The following PCDHGA3 variants were observed in gnomAD, a reference collection of about 807,000 sequenced individuals.
PCDHGA3 encodes protocadherin gamma-A3.
Under a neutral mutation model 58.5 loss-of-function variants are expected in PCDHGA3, and 40 were observed. The ratio of observed to expected loss-of-function variants is 0.68; its 90% CI spans 0.53 to 0.89. The LOEUF is 0.89. Ranked by LOEUF, PCDHGA3 falls within the 40% of genes least tolerant of loss-of-function variation. The pLI, the probability that PCDHGA3 is intolerant of heterozygous loss-of-function variation, is 0.00. For synonymous variants in PCDHGA3, 530 were observed against 525.7 expected, an observed-to-expected ratio of 1.01 and a Z score of -0.11; for missense variants, 1,223 against 1,195.9, an observed-to-expected ratio of 1.02 and a Z score of -0.33.
chr5:141,366,744 G>T (rs754996318), intron 1 of PCDHGA3: 1 of 1,611,828 alleles, frequency 6.2e-7, no homozygotes, highest in South Asian at 1.1e-5. Context: ...GAAGAACGGC[G>T]AGTTCAGGTT....
chr5:141,358,441 C>T (rs1357089273), intron 1 of PCDHGA3, among the ~76,000 whole-genome samples: 5 of 152,054 alleles, frequency 3.3e-5, no homozygotes, highest in African/African-American at 4.8e-5. Context: ...TAACAGGCAA[C>T]GTCAATTTAA....
At chr5:141,399,237 A>C in intron 1 of PCDHGA3, 1 of 1,614,002 alleles carries the variant, frequency 6.2e-7, no homozygotes, top group Non-Finnish European at 8.5e-7. Flanking sequence ...TACATGACCA[A>C]GATTCTGGGG....
At chr5:141,397,693 A>G (rs1389804077) in intron 1 of PCDHGA3, among the ~76,000 whole-genome samples, 2 of 152,244 alleles carry the variant, frequency 1.3e-5, no homozygotes, top group East Asian at 1.9e-4. Flanking sequence ...TTGTATAAAA[A>G]CCCAACGTGA....
chr5:141,370,966 A>T (rs1417305082), intron 1 of PCDHGA3: 1 of 1,614,000 alleles, frequency 6.2e-7, no homozygotes, highest in Middle Eastern at 1.6e-4. Flanking sequence ...GGCAGTAGGT[A>T]CCCAGAGCTA....
chr5:141,383,853 G>A (rs942698942), intron 1 of PCDHGA3: 7 of 1,613,828 alleles, frequency 4.3e-6, no homozygotes, highest in African/African-American at 2.7e-5. Flanking sequence ...ATGAAATGGA[G>A]GTTCAGGCTC....
At chr5:141,399,464 C>G in intron 1 of PCDHGA3, 1 of 1,614,018 alleles carries the variant, frequency 6.2e-7, no homozygotes, top group Non-Finnish European at 8.5e-7. Flanking sequence ...GATAACGCTC[C>G]GGTTTTCCAC....
intron 1 of PCDHGA3, among the ~76,000 whole-genome samples, chr5:141,483,648 T>TTGTGTGTG (rs111458813): frequency 0.019 from 2,886 of 149,692 alleles, 51 homozygotes; most frequent in African/African-American, 0.054. Flanking sequence ...GGGTGTGTGT[T>TTGTGTGTG]TGTGTGTGTG....
chr5:141,355,779 G>A (rs762969886), intron 1 of PCDHGA3: 7 of 1,613,834 alleles, frequency 4.3e-6, no homozygotes, highest in East Asian at 2.2e-5. Flanking sequence ...AGTACCCAGA[G>A]CTGGTGCTGG....
chr5:141,383,277 T>C, intron 1 of PCDHGA3: 9 of 1,613,888 alleles, frequency 5.6e-6, no homozygotes, highest in Non-Finnish European at 7.6e-6. Context: ...TAATAGATAT[T>C]AATGACAACG....
intron 1 of PCDHGA3, among the ~76,000 whole-genome samples, chr5:141,492,711 C>T (rs927567393): frequency 4.6e-5 from 7 of 152,254 alleles, no homozygotes; most frequent in East Asian, 3.8e-4. Flanking sequence ...AAGCCTCGAG[C>T]AGGCGGACAG....
chr5:141,409,231 C>T (rs756486864), intron 1 of PCDHGA3: 7 of 1,613,926 alleles, frequency 4.3e-6, no homozygotes, highest in Admixed American at 3.3e-5. Flanking sequence ...AAAACGACAA[C>T]AGCCCAGAAA....
intron 1 of PCDHGA3, chr5:141,370,251 A>G (rs981279976): frequency 4.3e-6 from 3 of 695,796 alleles, no homozygotes; most frequent in Non-Finnish European, 6.9e-6. Context: ...TGCACTCTCT[A>G]TCAGGCTTCC....
At chr5:141,465,767 T>A (rs1427458413) in intron 1 of PCDHGA3, among the ~76,000 whole-genome samples, 1 of 152,016 alleles carries the variant, frequency 6.6e-6, no homozygotes, top group Non-Finnish European at 1.5e-5. Context: ...TCATGTTTCA[T>A]CTCTTGTTAC....
rs765249445 is a variant in PCDHGA3, at chr5:141,489,754, C to T, written c.2425-5053C>T. ...CACCAATACTGTGAGCTTTTACACT[C>T]TAAGCCCCAACAGCCACTTCTCTCT... is the stretch of plus-strand genomic sequence containing the variant. On this transcript the variant is annotated intron_variant, in intron 1 of 3. Coordinates refer to ENST00000253812, the MANE Select transcript of PCDHGA3 (RefSeq NM_018916.4). The surrounding 1 kb of genome is among the most constrained non-coding windows in gnomAD (Gnocchi z 4.5). The T allele has an allele frequency of 4.0e-5, 64 of 1,613,992 alleles. No individual in the cohort carries two copies. The South Asian group carries it at 6.8e-4, about 17-fold the overall frequency.
At position 141,489,335 on chromosome 5, in the gene PCDHGA3, G is replaced by C. The variant is rs138015049; in HGVS notation, c.2425-5472G>C. 1.4e-5 allele frequency: 22 copies of C among 1,607,364 alleles called. No individual in the cohort carries two copies. Among genetic ancestry groups the C allele is most frequent in the Non-Finnish European group, 1.9e-5 (22 of 1,175,842 alleles). The stretch of plus-strand genomic sequence containing the variant: ...TGGGGCTGGGTGTCTGGGCAGCTTC[G>C]TTACTCAGTGGTGGAGGAGTCTGAG... On this transcript the variant is annotated intron_variant, in intron 1 of 3. Transcript: ENST00000253812. This position sits in a 1 kb window ranked among gnomAD's most constrained non-coding sequence, Gnocchi z 4.5.
intron 1 of PCDHGA3, among the ~76,000 whole-genome samples, chr5:141,459,742 T>C (rs2098974738): frequency 6.6e-6 from 1 of 152,248 alleles, no homozygotes; most frequent in Non-Finnish European, 1.5e-5. Context: ...TTTTAAATTT[T>C]AGCAATTCTA....
At chr5:141,439,500 TTCTC>T (rs1399113868) in intron 1 of PCDHGA3, among the ~76,000 whole-genome samples, 9 of 152,246 alleles carry the variant, frequency 5.9e-5, no homozygotes, top group Admixed American at 2.0e-4. Context: ...AGAAACGTCT[TTCTC>T]TCTGCTCTCA....
At chr5:141,504,182 C>A (rs2099836345) in intron 2 of PCDHGA3, among the ~76,000 whole-genome samples, 1 of 152,234 alleles carries the variant, frequency 6.6e-6, no homozygotes, top group Non-Finnish European at 1.5e-5. Context: ...TCAAAAAAAT[C>A]ATGAAAATTG....
rs192227219 is a variant in PCDHGA3 at position 141,501,899 on chromosome 5, A to G, written c.2484-3494A>G. Among the ~76,000 whole-genome samples the G allele has an allele frequency of 1.0e-3, 159 of 152,024 alleles. 1 individual carries two copies. The highest frequency in any genetic ancestry group is 6.8e-3 in the Middle Eastern group (2 of 294). ...TACACTCCTGATCATCATGGTTCCA[A>G]CCCCACTGTTCCACTCAGCTTTGTT... is the stretch of plus-strand genomic sequence containing the variant. On this transcript the variant is annotated intron_variant, in intron 2 of 3. Transcript: ENST00000253812.
Sources: allele counts gnomAD v4.1 joint callset (sites outside exome capture counted in the v4.1 genomes callset), GRCh38; gene constraint gnomAD v4.1.1; non-coding constraint Gnocchi (gnomAD v3.1); transcripts MANE v1.5; gene names NCBI Gene and HGNC (gene_info 2026-07-23, HGNC 2026-07-21).